Variants in COX7B2 observed in about 807,000 individuals in gnomAD.
COX7B2 encodes cytochrome c oxidase subunit 7B2, also known as cytochrome c oxidase subunit 7B2, mitochondrial.
For missense variants in COX7B2, 109 were observed against 95.9 expected, an observed-to-expected ratio of 1.14 and a Z score of -0.57; for synonymous variants, 37 against 32.1, an observed-to-expected ratio of 1.15 and a Z score of -0.51.
intron 2 of COX7B2, among the ~76,000 whole-genome samples, chr4:46,807,966 A>G (rs555009244): frequency 1.6e-4 from 24 of 151,964 alleles, no homozygotes; most frequent in African/African-American, 3.9e-4. Flanking sequence ...TGATGCTACC[A>G]ACTTTGTTTT....
At chr4:46,753,972 T>A (rs1325184932) in intron 2 of COX7B2, among the ~76,000 whole-genome samples, 4 of 152,146 alleles carry the variant, frequency 2.6e-5, no homozygotes, top group Non-Finnish European at 5.9e-5. Context: ...ATGCTCATGA[T>A]CACTGGCCAT....
chr4:46,763,081 T>A (rs1032034859), intron 2 of COX7B2, among the ~76,000 whole-genome samples: 1 of 102,828 alleles, frequency 9.7e-6, no homozygotes, highest in Non-Finnish European at 1.9e-5. Context: ...TAATATATAT[T>A]ACATATTATA....
chr4:46,844,988 T>C lies in COX7B2; in HGVS notation c.-78A>G, dbSNP rs1716175887. 1 of 152,010 alleles carries C rather than the reference T, an allele frequency of 6.6e-6. No individual in the cohort carries two copies. Among genetic ancestry groups the C allele is most frequent in the African/African-American group, 2.4e-5 (1 of 41,422 alleles). The allele number at this position is 152,010 out of a possible 1,614,324, so 9.4% of individuals were successfully genotyped here. On this transcript the variant is annotated 5_prime_UTR_variant, in exon 2 of 3. Transcript: ENST00000355591. ...TTAGAAATCTGAAGCTCAAATGCTC[T>C]CCTCAGAAAGTTTCAGATTCTGCTT... is the stretch of plus-strand genomic sequence containing the variant.
intron 2 of COX7B2, among the ~76,000 whole-genome samples, chr4:46,774,070 T>G (rs1395249824): frequency 2.0e-5 from 3 of 152,154 alleles, no homozygotes; most frequent in South Asian, 4.1e-4. Context: ...TCCAACAGAA[T>G]TAGTTAAGTT....
chr4:46,881,610 A>AAT lies in COX7B2; in HGVS notation c.-105+27548_-105+27549dup, dbSNP rs541375598. 9.9e-5 allele frequency among the ~76,000 whole-genome samples: 15 copies of AAT among 152,138 alleles called. No homozygotes were observed. The East Asian group carries it at 2.9e-3, about 29-fold the overall frequency. ...AAACCTCATCTCTAATAAAAAAAAAAATACCAAAATTAGCCAGACGTGGTG... is the reference window on the plus strand; with the variant it reads ...AAACCTCATCTCTAATAAAAAAAAAAATATACCAAAATTAGCCAGACGTGGTG... On this transcript the variant is annotated intron_variant, in intron 1 of 2. Coordinates refer to ENST00000355591, the MANE Select transcript of COX7B2 (RefSeq NM_130902.3).
chr4:46,803,907 G>T (rs1044278529), intron 2 of COX7B2, among the ~76,000 whole-genome samples: 3 of 152,054 alleles, frequency 2.0e-5, no homozygotes, highest in Non-Finnish European at 2.9e-5. Context: ...AGGTCTCTTA[G>T]GAAAACACTG....
At chr4:46,833,265 T>C (rs1715283380) in intron 2 of COX7B2, among the ~76,000 whole-genome samples, 1 of 152,166 alleles carries the variant, frequency 6.6e-6, no homozygotes, top group Non-Finnish European at 1.5e-5. Flanking sequence ...TTTGTAGCAA[T>C]GTGAGAACTA....
chr4:46,905,464 A>T (rs1419215074), intron 1 of COX7B2, among the ~76,000 whole-genome samples: 1 of 152,192 alleles, frequency 6.6e-6, no homozygotes, highest in African/African-American at 2.4e-5. Context: ...TTGCAGCCTC[A>T]TCAGGATGCT....
chr4:46,751,826 T>C lies in COX7B2; in HGVS notation c.-49-16585A>G, dbSNP rs183300963. Among the ~76,000 whole-genome samples, 775 of 152,170 alleles carry C rather than the reference T, an allele frequency of 5.1e-3. 3 individuals are homozygous for C. Among genetic ancestry groups the C allele is most frequent in the South Asian group, 8.1e-3 (39 of 4,828 alleles). On this transcript the variant is annotated intron_variant, in intron 2 of 2. Coordinates refer to ENST00000355591, the MANE Select transcript of COX7B2 (RefSeq NM_130902.3). ...TGTTGTTGTTACTGTAGCCTTGTAG[T>C]AGTATAGTTTGAAGCCAGGTAGCGT...
chr4:46,894,735 C>T (rs538343186), intron 1 of COX7B2, among the ~76,000 whole-genome samples: 8 of 152,130 alleles, frequency 5.3e-5, no homozygotes, highest in South Asian at 2.1e-4. Flanking sequence ...TTGCAAACTA[C>T]GCATCTGACA....
rs750184358 is a variant in COX7B2, at chr4:46,734,970, G to C, written c.223C>G (p.Pro75Ala). The stretch of plus-strand genomic sequence containing the variant: ...GGTTACTGATGTTTCCACTCTTTTG[G>C]GGTAACTCTGCCAACAGGGGATAGG... ...WNLSPVGRVT[P>A]KEWKHQ Residue 75 changes from proline to alanine, a missense_variant, in exon 3 of 3, where the codon CCA (proline) becomes GCA (alanine). By Grantham distance (27) the Pro-to-Ala change is conservative. Transcript: ENST00000355591. The C allele has an allele frequency of 3.1e-6, 5 of 1,613,866 alleles. No homozygotes were observed. The highest frequency in any genetic ancestry group is 4.2e-6 in the Non-Finnish European group (5 of 1,179,918).
At chr4:46,810,110 T>A (rs1719209801) in intron 2 of COX7B2, among the ~76,000 whole-genome samples, 1 of 152,060 alleles carries the variant, frequency 6.6e-6, no homozygotes, top group Admixed American at 6.5e-5. Flanking sequence ...CCCTTCACTT[T>A]CAGCCTCTGT....
intron 2 of COX7B2, among the ~76,000 whole-genome samples, chr4:46,842,873 T>A (rs907971534): frequency 5.9e-5 from 9 of 152,130 alleles, no homozygotes; most frequent in Non-Finnish European, 1.2e-4. Flanking sequence ...CGTGTGCATG[T>A]GTCTTTACAG....
chr4:46,856,246 A>G lies in COX7B2; in HGVS notation c.-104-11232T>C, dbSNP rs79721275. Among the ~76,000 whole-genome samples the G allele has an allele frequency of 4.2e-3, 634 of 152,252 alleles. 5 individuals carry two copies. The highest frequency in any genetic ancestry group is 6.3e-3 in the Non-Finnish European group (427 of 68,012). Reference sequence around the variant, plus strand: ...AGAGCAAGACTCAGTCTCAAAAAATAAAATAAAATAAATCCCTAAATTATC... The same window carrying G: ...AGAGCAAGACTCAGTCTCAAAAAATGAAATAAAATAAATCCCTAAATTATC... On this transcript the variant is annotated intron_variant, in intron 1 of 2. Transcript: ENST00000355591.
intron 2 of COX7B2, among the ~76,000 whole-genome samples, chr4:46,818,117 G>A (rs1358116078): frequency 6.6e-6 from 1 of 152,062 alleles, no homozygotes; most frequent in Admixed American, 6.6e-5. Flanking sequence ...CACACAGGAT[G>A]GTTGGAAAAA....
intron 2 of COX7B2, among the ~76,000 whole-genome samples, chr4:46,761,724 T>C (rs922451974): frequency 3.3e-5 from 5 of 152,022 alleles, no homozygotes; most frequent in East Asian, 1.9e-4. Context: ...ACATGATGAA[T>C]TGGTTTTTAT....
At chr4:46,814,238 T>A (rs1030033099) in intron 2 of COX7B2, among the ~76,000 whole-genome samples, 2 of 152,246 alleles carry the variant, frequency 1.3e-5, no homozygotes, top group Non-Finnish European at 2.9e-5. Flanking sequence ...TCTTGGTTTG[T>A]CATTGAACAC....
chr4:46,781,942 T>A (rs560070219), intron 2 of COX7B2, among the ~76,000 whole-genome samples: 13 of 152,196 alleles, frequency 8.5e-5, no homozygotes, highest in African/African-American at 2.9e-4. Flanking sequence ...GCACCCCCCA[T>A]CCCGCCCGGA....
chr4:46,857,002 C>T (rs1717044395), intron 1 of COX7B2, among the ~76,000 whole-genome samples: 1 of 152,168 alleles, frequency 6.6e-6, no homozygotes, highest in Non-Finnish European at 1.5e-5. Context: ...AAAAGTTAAA[C>T]TTCAAGTAAT....
Sources: allele counts gnomAD v4.1 joint callset (sites outside exome capture counted in the v4.1 genomes callset), GRCh38; gene constraint gnomAD v4.1.1; transcripts MANE v1.5; gene names NCBI Gene and HGNC (gene_info 2026-07-23, HGNC 2026-07-21).